Variants in EXOC6 observed in about 807,000 individuals in gnomAD.
EXOC6 encodes SEC15-like 1.
Under a neutral mutation model 112.5 loss-of-function variants are expected in EXOC6, and 60 were observed. That is an observed-to-expected ratio of 0.53 (90% CI 0.43 to 0.66). The LOEUF is 0.66. EXOC6 is among the 30% of genes least tolerant of loss of function. The pLI, the probability that EXOC6 is intolerant of heterozygous loss-of-function variation, is 0.00. For missense variants in EXOC6, 855 were observed against 957.1 expected, an observed-to-expected ratio of 0.89 and a Z score of 1.41; for synonymous variants, 295 against 308.0, an observed-to-expected ratio of 0.96 and a Z score of 0.44.
intron 4 of EXOC6, among the ~76,000 whole-genome samples, chr10:92,896,530 C>T (rs565196920): frequency 9.9e-5 from 15 of 151,534 alleles, no homozygotes; most frequent in African/African-American, 3.1e-4. Flanking sequence ...TTAGCTTAGA[C>T]TACAAATTAT....
chr10:92,843,398 C>G (rs1242634290), intron 1 of EXOC6, among the ~76,000 whole-genome samples: 2 of 152,202 alleles, frequency 1.3e-5, no homozygotes, highest in East Asian at 3.8e-4. Context: ...ATAAAGACTG[C>G]CTGTACTTTA....
At chr10:92,848,838 G>T (rs1461632084) in intron 1 of EXOC6, among the ~76,000 whole-genome samples, 1 of 152,034 alleles carries the variant, frequency 6.6e-6, no homozygotes, top group Non-Finnish European at 1.5e-5. Context: ...TGTCGGCGCG[G>T]CCTGCCTCCA....
chr10:92,907,183 T>G (rs1342714358), intron 5 of EXOC6, among the ~76,000 whole-genome samples: 2 of 152,120 alleles, frequency 1.3e-5, no homozygotes, highest in African/African-American at 4.8e-5. Context: ...AATCCTAGTT[T>G]TAGGGAAAGG....
chr10:92,931,115 G>GAAAAAA (rs60087746), intron 9 of EXOC6, among the ~76,000 whole-genome samples: 15 of 70,578 alleles, frequency 2.1e-4, no homozygotes, highest in Non-Finnish European at 2.7e-4. Context: ...CATCTCAGAA[G>GAAAAAA]AAAAAAAAAA....
At chr10:92,856,512 G>T (rs1249474410) in intron 1 of EXOC6, among the ~76,000 whole-genome samples, 5 of 151,994 alleles carry the variant, frequency 3.3e-5, no homozygotes, top group Non-Finnish European at 7.4e-5. Flanking sequence ...ATGTCCTTCT[G>T]TTATTAATTT....
chr10:92,955,199 GA>G (rs1248128755), intron 16 of EXOC6, among the ~76,000 whole-genome samples: 1 of 151,858 alleles, frequency 6.6e-6, no homozygotes, highest in Non-Finnish European at 1.5e-5. Context: ...AAAAATGAGG[GA>G]AAAGGGTTCA....
Position 93,058,808 on chromosome 10 carries a change from G to C in EXOC6, c.*453G>C, listed in dbSNP as rs1846660102. On this transcript the variant is annotated 3_prime_UTR_variant, in exon 22 of 22. Transcript: ENST00000260762. ...TTAGCTTTTATTTTCACCTCAATGT[G>C]ATTTAAGCAGACCAAAATTTCTAAT... The C allele has an allele frequency of 6.6e-6, 1 of 152,140 alleles. No individual in the cohort carries two copies. The highest frequency in any genetic ancestry group is 2.1e-4 in the South Asian group (1 of 4,820). The allele number at this position is 152,140 out of a possible 1,614,324, so 9.4% of individuals were successfully genotyped here.
At chr10:92,955,348 A>G (rs1853632199) in intron 16 of EXOC6, among the ~76,000 whole-genome samples, 1 of 151,892 alleles carries the variant, frequency 6.6e-6, no homozygotes, top group African/African-American at 2.4e-5. Flanking sequence ...TTATTTTAAA[A>G]TAACTGGTAT....
At chr10:92,913,100 A>G (rs529790467) in intron 6 of EXOC6, among the ~76,000 whole-genome samples, 2 of 152,348 alleles carry the variant, frequency 1.3e-5, no homozygotes, top group Non-Finnish European at 2.9e-5. Context: ...TGTATTTACA[A>G]TAATCAGGAG....
At position 92,948,567 on chromosome 10, in the gene EXOC6, T is replaced by TACCACC. The variant is rs1312249445; in HGVS notation, c.1416+190_1416+191insCACCAC. ...AAGAGTATGTTATTACTACTACTAC[T>TACCACC]ACTACCACTACTACTACTACTACTA... On this transcript the variant is annotated intron_variant, in intron 14 of 21. Transcript: ENST00000260762. Among the ~76,000 whole-genome samples, 3 of 114,864 alleles carry TACCACC rather than the reference T, an allele frequency of 2.6e-5. No homozygotes were observed. In the Admixed American group the frequency reaches 3.0e-4, roughly 11 times the overall value. 75.4% of individuals were successfully genotyped at this position (114,864 alleles called of 152,430 possible). A position where few individuals can be genotyped will look rare whatever the true frequency, so the allele number is the denominator to read the frequency against.
intron 7 of EXOC6, among the ~76,000 whole-genome samples, chr10:92,918,105 C>T (rs1851210464): frequency 6.6e-6 from 1 of 152,198 alleles, no homozygotes; most frequent in African/African-American, 2.4e-5. Flanking sequence ...GTGATCATGT[C>T]ACTACATACC....
At chr10:92,994,556 T>C (rs2134167194) in intron 18 of EXOC6, among the ~76,000 whole-genome samples, 1 of 152,318 alleles carries the variant, frequency 6.6e-6, no homozygotes, top group African/African-American at 2.4e-5. Flanking sequence ...GCAATTAATT[T>C]TTCAGATGAG....
intron 17 of EXOC6, among the ~76,000 whole-genome samples, chr10:92,970,255 T>C (rs1375045006): frequency 6.6e-6 from 1 of 152,236 alleles, no homozygotes; most frequent in African/African-American, 2.4e-5. Flanking sequence ...AAAAAATGCG[T>C]GGTGCATCTG....
chr10:92,887,697 G>C (rs1359122680), intron 1 of EXOC6, among the ~76,000 whole-genome samples: 1 of 152,084 alleles, frequency 6.6e-6, no homozygotes, highest in African/African-American at 2.4e-5. Flanking sequence ...GAGCCACCGT[G>C]CCCAGCCGAT....
At chr10:92,848,485 G>T, upstream of EXOC6, 1 of 1,047,164 alleles carries the variant, frequency 9.5e-7, no homozygotes, top group Non-Finnish European at 1.2e-6. Context: ...GCTCGCCCCC[G>T]TCGTTCCCGC....
At chr10:93,014,915 TA>T (rs1844431897) in intron 20 of EXOC6, among the ~76,000 whole-genome samples, 1 of 152,114 alleles carries the variant, frequency 6.6e-6, no homozygotes, top group African/African-American at 2.4e-5. Flanking sequence ...TATTTTTTTT[TA>T]TTCTTTTCCT....
intron 20 of EXOC6, among the ~76,000 whole-genome samples, chr10:93,017,616 C>CT (rs1844592296): frequency 6.6e-6 from 1 of 151,836 alleles, no homozygotes; most frequent in African/African-American, 2.4e-5. Context: ...ATATTGGGTA[C>CT]AATGTATACT....
chr10:92,998,340 C>T (rs1843588963), intron 19 of EXOC6, among the ~76,000 whole-genome samples: 1 of 152,086 alleles, frequency 6.6e-6, no homozygotes, highest in Non-Finnish European at 1.5e-5. Context: ...CCCTGGTTGA[C>T]AATTCTATCA....
In EXOC6 at chr10:92,959,796, AAAC is replaced by A. The variant is rs1853885983; in HGVS notation, c.1773+4087_1773+4089del. 3.3e-5 allele frequency among the ~76,000 whole-genome samples: 5 copies of A among 152,382 alleles called. No homozygotes were observed. The South Asian group carries it at 1.0e-3, about 32-fold the overall frequency. On this transcript the variant is annotated intron_variant, in intron 17 of 21. Transcript: ENST00000260762. ...TATGTCATAAGGGAAATGCAAATTA[AAAC>A]AACAGTGAGATACCACTACACACCT... is the stretch of plus-strand genomic sequence containing the variant.
Sources: allele counts gnomAD v4.1 joint callset (sites outside exome capture counted in the v4.1 genomes callset), GRCh38; gene constraint gnomAD v4.1.1; transcripts MANE v1.5; gene names NCBI Gene and HGNC (gene_info 2026-07-23, HGNC 2026-07-21).